Variants in STRN observed in about 807,000 individuals in gnomAD.
The protein encoded by STRN is protein phosphatase 2 regulatory subunit B'''alpha.
A neutral mutation model predicts 96.3 loss-of-function variants in STRN; 53 were observed. The ratio of observed to expected loss-of-function variants is 0.55; its 90% CI spans 0.44 to 0.69. The LOEUF is 0.69. STRN is among the 30% of genes least tolerant of loss of function. STRN has a pLI of 0.00. For synonymous variants in STRN, 428 were observed against 355.9 expected (o/e 1.20, Z -2.28); for missense variants, 987 against 963.9 (o/e 1.02, Z -0.32).
At chr2:36,913,966 G>A (rs1290727829) in intron 3 of STRN, among the ~76,000 whole-genome samples, 2 of 151,992 alleles carry the variant, frequency 1.3e-5, no homozygotes, top group Admixed American at 1.3e-4. Flanking sequence ...ACTGAGCTGC[G>A]CTGTTTACTT....
At position 36,917,056 on chromosome 2, in the gene STRN, A is replaced by T. The variant is rs532428312; in HGVS notation, c.339-905T>A. 6.1e-3 allele frequency among the ~76,000 whole-genome samples: 914 copies of T among 149,746 alleles called. 10 individuals are homozygous for T. The highest frequency in any genetic ancestry group is 0.02 in the African/African-American group (809 of 40,226). ...CAAGAATGATCAATAAAAAAATAAA[A>T]AATAAAAATAAATAAAAAAAAAAGA... On this transcript the variant is annotated intron_variant, in intron 2 of 17. Transcript: ENST00000263918.
In STRN at chr2:36,900,892, CTAAATAAA is replaced by C. The variant is rs533631408; in HGVS notation, c.660-1242_660-1235del. 1.9e-3 allele frequency among the ~76,000 whole-genome samples: 292 copies of C among 150,520 alleles called. 1 individual carries two copies. In the Middle Eastern group the frequency reaches 0.041, roughly 21 times the overall value. On this transcript the variant is annotated intron_variant, in intron 5 of 17. Coordinates refer to ENST00000263918, the MANE Select transcript of STRN (RefSeq NM_003162.4). ...CAGGTGACAGAGTGAGACTCTGTCT[CTAAATAAA>C]TAAATAAATAAATAAATAAATTTAG...
intron 1 of STRN, among the ~76,000 whole-genome samples, chr2:36,957,520 A>G (rs1158608687): frequency 6.6e-6 from 1 of 152,030 alleles, no homozygotes; most frequent in African/African-American, 2.4e-5. Flanking sequence ...CCTGGAAGGC[A>G]GAGGTTGCAG....
At chr2:36,918,192 G>C (rs1174267595) in intron 2 of STRN, among the ~76,000 whole-genome samples, 1 of 152,008 alleles carries the variant, frequency 6.6e-6, no homozygotes, top group Non-Finnish European at 1.5e-5. Context: ...TGCCCATCTA[G>C]TTCAATGTAT....
At chr2:36,945,908 A>G (rs544494193) in intron 1 of STRN, among the ~76,000 whole-genome samples, 28 of 152,332 alleles carry the variant, frequency 1.8e-4, no homozygotes, top group African/African-American at 3.6e-4. Flanking sequence ...TTAGAAAGCA[A>G]TGATAAATAC....
chr2:36,904,396 C>G (rs1669764451), intron 4 of STRN, among the ~76,000 whole-genome samples: 1 of 152,164 alleles, frequency 6.6e-6, no homozygotes, highest in Admixed American at 6.6e-5. Context: ...TACTGAGGCA[C>G]AAATCTGAAT....
intron 13 of STRN, among the ~76,000 whole-genome samples, chr2:36,860,914 G>A (rs1033864150): frequency 1.3e-5 from 2 of 152,154 alleles, no homozygotes; most frequent in African/African-American, 4.8e-5. Context: ...TTAGAGAAGT[G>A]GGAACTGTAT....
chr2:36,907,445 G>A (rs1669852805), intron 3 of STRN, among the ~76,000 whole-genome samples: 1 of 152,102 alleles, frequency 6.6e-6, no homozygotes, highest in Non-Finnish European at 1.5e-5. Context: ...CTACTCAGGA[G>A]GCTGAGGCAG....
At chr2:36,897,568 TG>T (rs1405692239) in intron 6 of STRN, among the ~76,000 whole-genome samples, 2 of 151,550 alleles carry the variant, frequency 1.3e-5, no homozygotes, top group African/African-American at 4.9e-5. Flanking sequence ...CCCGAGTAGC[TG>T]GGACTACAGG....
Position 36,842,164 on chromosome 2 carries a change from G to A in STRN, c.*7292C>T, listed in dbSNP as rs966939813. ...CAAGCTGTTTATTTCTACAACTCACGATTAATGTAAAACGTTGCTTTCCAT... is the reference window on the plus strand; with the variant it reads ...CAAGCTGTTTATTTCTACAACTCACAATTAATGTAAAACGTTGCTTTCCAT... On this transcript the variant is annotated 3_prime_UTR_variant, in exon 18 of 18. Coordinates refer to ENST00000263918, the MANE Select transcript of STRN (RefSeq NM_003162.4). 8.5e-5 allele frequency: 13 copies of A among 152,136 alleles called. No homozygotes were observed. Among genetic ancestry groups the A allele is most frequent in the East Asian group, 7.7e-4 (4 of 5,198 alleles). 9.4% of individuals were successfully genotyped at this position (152,136 alleles called of 1,614,324 possible). A position where few individuals can be genotyped will look rare whatever the true frequency, so the allele number is the denominator to read the frequency against.
intron 1 of STRN, among the ~76,000 whole-genome samples, chr2:36,926,861 A>G (rs1329834282): frequency 6.6e-6 from 1 of 152,200 alleles, no homozygotes; most frequent in Non-Finnish European, 1.5e-5. Flanking sequence ...ACCTAACCAG[A>G]ATAGTAATGA....
chr2:36,959,543 T>C (rs1190391340), intron 1 of STRN, among the ~76,000 whole-genome samples: 1 of 152,238 alleles, frequency 6.6e-6, no homozygotes, highest in Non-Finnish European at 1.5e-5. Context: ...TTTACCTAAC[T>C]GAGCTGATTA....
At position 36,893,906 on chromosome 2, in the gene STRN, G is replaced by A. The variant is rs201453654; in HGVS notation, c.923C>T (p.Thr308Ile). The A allele has an allele frequency of 2.9e-5, 46 of 1,610,800 alleles. No individual in the cohort carries two copies. Among genetic ancestry groups the A allele is most frequent in the Non-Finnish European group, 3.2e-5 (38 of 1,178,992 alleles). ...CCAGTATGCTTCCTTACCCCAGTCT[G>A]TTCCATCGCCTGCACTTCTAGATTC... The part of the protein sequence containing the change: ...DNESRSAGDG[T>I]DWEKEDQCLM... Residue 308 changes from threonine (T) to isoleucine (I), a missense_variant, in exon 7 of 18, where the codon ACA (threonine) becomes ATA (isoleucine). By Grantham distance (89) the Thr-to-Ile change is moderately conservative. Transcript: ENST00000263918.
intron 7 of STRN, among the ~76,000 whole-genome samples, chr2:36,893,311 C>A (rs2717492): frequency 0.86 from 131,470 of 151,998 alleles, 58,430 homozygotes; most frequent in Non-Finnish European, 0.96. Flanking sequence ...AACCCCTAAG[C>A]GTACTTTTAA....
At chr2:36,870,523 T>C (rs1224046580) in intron 10 of STRN, among the ~76,000 whole-genome samples, 1 of 152,166 alleles carries the variant, frequency 6.6e-6, no homozygotes, top group Non-Finnish European at 1.5e-5. Context: ...CCCATAAAAT[T>C]ATAATGAAGC....
intron 2 of STRN, among the ~76,000 whole-genome samples, chr2:36,924,456 G>C (rs1477589738): frequency 1.3e-5 from 2 of 151,326 alleles, no homozygotes; most frequent in East Asian, 3.9e-4. Flanking sequence ...TTAAATGACA[G>C]GAAAAGGAAA....
At chr2:36,887,084 C>CACACACAT (rs1281980963) in intron 7 of STRN, among the ~76,000 whole-genome samples, 52 of 118,184 alleles carry the variant, frequency 4.4e-4, no homozygotes, top group African/African-American at 1.4e-3. Flanking sequence ...CACACACACA[C>CACACACAT]ACGGAAGATT....
In STRN at chr2:36,966,217, G is replaced by A. The variant is rs1409381744; in HGVS notation, c.234+13C>T. ...AGGCGGGATGAAGACGGCCAGGCCG[G>A]GAGGGTCTTTACCTGCAGCTCCGCC... On this transcript the variant is annotated intron_variant, in intron 1 of 17. Transcript: ENST00000263918. The A allele has an allele frequency of 7.1e-6, 11 of 1,551,102 alleles. No homozygotes were observed. The highest frequency in any genetic ancestry group is 9.6e-6 in the Non-Finnish European group (11 of 1,150,378).
intron 1 of STRN, among the ~76,000 whole-genome samples, chr2:36,960,651 G>A (rs77108208): frequency 0.03 from 4,555 of 152,218 alleles, 102 homozygotes; most frequent in East Asian, 0.13. Flanking sequence ...AAGGCTCTGA[G>A]AGATCAGAAT....
Sources: allele counts gnomAD v4.1 joint callset (sites outside exome capture counted in the v4.1 genomes callset), GRCh38; gene constraint gnomAD v4.1.1; transcripts MANE v1.5; gene names NCBI Gene and HGNC (gene_info 2026-07-23, HGNC 2026-07-21).